Variants in ACTN2 observed in about 807,000 individuals in gnomAD.
ACTN2 encodes actinin alpha 2.
ACTN2 carries 39 observed loss-of-function variants against 113.8 expected under a neutral mutation model. The ratio of observed to expected loss-of-function variants is 0.34; its 90% CI spans 0.27 to 0.45. The LOEUF is 0.45. Ranked by LOEUF, ACTN2 falls within the 20% of genes least tolerant of loss-of-function variation. ACTN2 has a pLI of 1.00. For synonymous variants in ACTN2, 429 were observed against 444.1 expected (o/e 0.97, Z 0.43); for missense variants, 992 against 1,177.9 (o/e 0.84, Z 2.31).
At position 236,761,133 on chromosome 1, in the gene ACTN2, A is replaced by G. The variant is rs774497946; in HGVS notation, c.2486A>G (p.Glu829Gly). 1.2e-6 allele frequency: 2 copies of G among 1,614,142 alleles called. No homozygotes were observed. Among genetic ancestry groups the G allele is most frequent in the Non-Finnish European group, 1.7e-6 (2 of 1,180,032 alleles). ...GAGACGGCTGACACCGACACTGCCG[A>G]GCAGGTCATCGCCTCCTTCCGGATC... ...TRETADTDTAEQVIASFRILA... is the reference protein window; with the variant it reads ...TRETADTDTAGQVIASFRILA... Residue 829 changes from glutamate to glycine, a missense_variant, in exon 20 of 21, where the codon GAG becomes GGG. Coordinates refer to ENST00000366578, the MANE Select transcript of ACTN2 (RefSeq NM_001103.4).
chr1:236,725,785 G>A (rs1240387150), intron 4 of ACTN2, 148 bp from the exon 5 acceptor site: 2 of 759,306 alleles, frequency 2.6e-6, no homozygotes, highest in Non-Finnish European at 4.8e-6. Flanking sequence ...CCAAGATCAG[G>A]GTTCTGGCTC....
At chr1:236,750,440 C>T (rs990316491) in intron 14 of ACTN2, among the ~76,000 whole-genome samples, 3 of 152,092 alleles carry the variant, frequency 2.0e-5, no homozygotes, top group East Asian at 1.9e-4. Flanking sequence ...AGTCTAAAAT[C>T]GTTTATTTTT....
At chr1:236,762,422 T>C (rs745831942) in intron 20 of ACTN2, 39 bp from the exon 21 acceptor site, 1 of 1,613,418 alleles carries the variant, frequency 6.2e-7, no homozygotes, top group African/African-American at 1.3e-5. Flanking sequence ...TTGTGGTGTT[T>C]CTGCAACTGA....
intron 1 of ACTN2, among the ~76,000 whole-genome samples, chr1:236,705,798 C>T (rs147219335): frequency 7.4e-4 from 113 of 152,248 alleles, no homozygotes; most frequent in African/African-American, 2.5e-3. Flanking sequence ...CAGTATTAGT[C>T]GGGGCTAGAT....
rs893953162 is a variant in ACTN2, at chr1:236,687,258, A to G, written c.126+459A>G. Among the ~76,000 whole-genome samples the G allele has an allele frequency of 8.5e-5, 13 of 152,306 alleles. 1 individual carries two copies. The highest frequency in any genetic ancestry group is 7.2e-4 in the Admixed American group (11 of 15,308). On this transcript the variant is annotated intron_variant, in intron 1 of 20. Transcript: ENST00000366578. ...CCCCTAGAGTCATGGAAAGTCATTT[A>G]TTCAATCTTTTGGGTTCCTTGGAGA... is the stretch of plus-strand genomic sequence containing the variant.
rs536231038 is a variant in ACTN2, at chr1:236,709,153, C to G, written c.127-8705C>G. On this transcript the variant is annotated intron_variant, in intron 1 of 20. Transcript: ENST00000366578. ...CCATCGTGATACAGGTAGTGTTGGC[C>G]GGCCTCTTTCTTCTCCTCTCAATAA... 8.9e-5 allele frequency among the ~76,000 whole-genome samples: 13 copies of G among 146,652 alleles called. 1 individual carries two copies. The South Asian group carries it at 2.8e-3, about 32-fold the overall frequency.
chr1:236,712,920 CTTT>C (rs5781920), intron 1 of ACTN2, among the ~76,000 whole-genome samples: 3,158 of 145,408 alleles, frequency 0.022, 111 homozygotes, highest in East Asian at 0.13. Flanking sequence ...CCATCAGTTG[CTTT>C]TTTTTTTTTT....
chr1:236,749,140 T>C lies in ACTN2; in HGVS notation c.1532T>C (p.Leu511Pro), dbSNP rs786205346. ...ATTCTTTAGAGAATGGAGAAATTGC[T>C]AGAAACCATTGATCAGCTTCACCTG... ...REALERMEKL[L>P]ETIDQLHLEF... Residue 511 changes from leucine to proline, a missense_variant, in exon 14 of 21, where the codon CTA becomes CCA. By Grantham distance (98) the Leu-to-Pro change is moderately conservative. Transcript: ENST00000366578. The C allele has an allele frequency of 5.0e-6, 8 of 1,614,186 alleles. No homozygotes were observed. Among genetic ancestry groups the C allele is most frequent in the Non-Finnish European group, 6.8e-6 (8 of 1,180,032 alleles).
chr1:236,709,111 C>T lies in ACTN2; in HGVS notation c.127-8747C>T, dbSNP rs546867336. Among the ~76,000 whole-genome samples, 27 of 150,814 alleles carry T rather than the reference C, an allele frequency of 1.8e-4. 2 individuals carry two copies. The South Asian group carries it at 3.8e-3, about 21-fold the overall frequency. On this transcript the variant is annotated intron_variant, in intron 1 of 20. Coordinates refer to ENST00000366578, the MANE Select transcript of ACTN2 (RefSeq NM_001103.4). ...AGCTGTGGTTTCCAGTAGTTTCACA[C>T]GAGAGGGTGTTCAGAACCATCGTGA...
At chr1:236,699,320 T>C (rs1352441334) in intron 1 of ACTN2, among the ~76,000 whole-genome samples, 1 of 152,150 alleles carries the variant, frequency 6.6e-6, no homozygotes, top group Non-Finnish European at 1.5e-5. Context: ...CTGATAACAG[T>C]GAGAAAACGG....
intron 1 of ACTN2, among the ~76,000 whole-genome samples, chr1:236,690,435 G>A (rs1666040330): frequency 6.6e-6 from 1 of 152,160 alleles, no homozygotes; most frequent in South Asian, 2.1e-4. Flanking sequence ...AGATTCATGA[G>A]ACCCAGATGA....
chr1:236,762,233 C>T (rs1659727506), intron 20 of ACTN2, among the ~76,000 whole-genome samples: 2 of 152,048 alleles, frequency 1.3e-5, no homozygotes, highest in South Asian at 4.2e-4. Flanking sequence ...GCTCCATTTG[C>T]CTTTATGAAG....
intron 10 of ACTN2, 45 bp downstream of exon 10, chr1:236,739,577 C>T: frequency 6.2e-7 from 1 of 1,600,002 alleles, no homozygotes. Context: ...GGGAAGCCCT[C>T]CTTCTAGCCT....
chr1:236,735,574 C>T lies in ACTN2; in HGVS notation c.698-61C>T, dbSNP rs1358134886. On this transcript the variant is annotated intron_variant, in intron 7 of 20. Coordinates refer to ENST00000366578, the MANE Select transcript of ACTN2 (RefSeq NM_001103.4). ...TCTGTTCTCCCTGGTTTCTCTCCTT[C>T]GTCTGTATGTGTGTGGTGTGTGTGT... 1.3e-5 allele frequency: 19 copies of T among 1,416,160 alleles called. No individual in the cohort carries two copies. The Admixed American group carries it at 1.9e-4, about 14-fold the overall frequency. The allele number at this position is 1,416,160 out of a possible 1,614,324, so 87.7% of individuals were successfully genotyped here.
chr1:236,747,840 G>A, intron 13 of ACTN2, 65 bp downstream of exon 13: 1 of 1,209,048 alleles, frequency 8.3e-7, no homozygotes, highest in Non-Finnish European at 1.2e-6. Flanking sequence ...TTAAATCACT[G>A]GTATTCATTG....
intron 1 of ACTN2, among the ~76,000 whole-genome samples, chr1:236,688,273 A>G (rs2102853456): frequency 6.6e-6 from 1 of 152,274 alleles, no homozygotes; most frequent in Non-Finnish European, 1.5e-5. Context: ...TTTGTTTTAA[A>G]AATTGCTTTC....
At chr1:236,719,851 G>T (rs561248205) in intron 3 of ACTN2, among the ~76,000 whole-genome samples, 1 of 151,842 alleles carries the variant, frequency 6.6e-6, no homozygotes, top group Admixed American at 6.6e-5. Flanking sequence ...GAAACTCCCG[G>T]GTGGTTTTCA....
chr1:236,743,296 A>C (rs1659128848), intron 11 of ACTN2, among the ~76,000 whole-genome samples: 1 of 152,208 alleles, frequency 6.6e-6, no homozygotes, highest in Admixed American at 6.5e-5. Context: ...ACCTACCTAC[A>C]TAAGGCCTGG....
chr1:236,697,966 GTT>G (rs2102866449), intron 1 of ACTN2, among the ~76,000 whole-genome samples: 1 of 146,184 alleles, frequency 6.8e-6, no homozygotes, highest in East Asian at 2.0e-4. Flanking sequence ...CAGAGACAAG[GTT>G]TCACCATGTT....
Sources: allele counts gnomAD v4.1 joint callset (sites outside exome capture counted in the v4.1 genomes callset), GRCh38; gene constraint gnomAD v4.1.1; transcripts MANE v1.5; gene names NCBI Gene and HGNC (gene_info 2026-07-23, HGNC 2026-07-21).